CFAP299: variants seen among roughly 807,000 people sequenced by gnomAD.
The protein encoded by CFAP299 is cilia- and flagella-associated protein 299.
In CFAP299, 21 loss-of-function variants were observed where a neutral mutation model predicts 27.0. That is an observed-to-expected ratio of 0.78 (90% CI 0.55 to 1.12). The LOEUF (loss-of-function observed/expected upper bound fraction) is 1.12, where lower values mean the gene tolerates loss of function less well. CFAP299 is among the 50% of genes most tolerant of loss of function. CFAP299 has a pLI of 0.00. For missense variants in CFAP299, 310 were observed against 276.6 expected (o/e 1.12, Z -0.86); for synonymous variants, 104 against 98.1 (o/e 1.06, Z -0.36).
chr4:80,629,682 C>T (rs1739105563), intron 3 of CFAP299, among the ~76,000 whole-genome samples: 1 of 151,942 alleles, frequency 6.6e-6, no homozygotes, highest in South Asian at 2.1e-4. Flanking sequence ...GAGTTCAAGA[C>T]CAGCTTGGCG....
chr4:80,766,407 T>A (rs1298073701), intron 3 of CFAP299, among the ~76,000 whole-genome samples: 2 of 152,144 alleles, frequency 1.3e-5, no homozygotes, highest in Non-Finnish European at 2.9e-5. Flanking sequence ...TTTAAGATAA[T>A]TAAATTTTAT....
chr4:80,638,086 A>C (rs1202279761), intron 3 of CFAP299, among the ~76,000 whole-genome samples: 1 of 152,206 alleles, frequency 6.6e-6, no homozygotes, highest in Non-Finnish European at 1.5e-5. Flanking sequence ...AGCTCATCAA[A>C]TCCTTTTTTA....
intron 2 of CFAP299, chr4:80,420,170 G>A (rs1281916886): frequency 2.2e-6 from 1 of 455,910 alleles, no homozygotes; most frequent in South Asian, 1.6e-5. Context: ...GGTAGCAGCT[G>A]TCAGAGGGAA....
chr4:80,448,721 A>T (rs916093243), intron 2 of CFAP299, among the ~76,000 whole-genome samples: 13 of 151,858 alleles, frequency 8.6e-5, no homozygotes, highest in Admixed American at 1.3e-4. Flanking sequence ...AAAAAACCAC[A>T]TCTCTGAACT....
intron 3 of CFAP299, among the ~76,000 whole-genome samples, chr4:80,645,257 T>G (rs1739942927): frequency 6.6e-6 from 1 of 152,092 alleles, no homozygotes; most frequent in African/African-American, 2.4e-5. Flanking sequence ...CAATATAAAA[T>G]CTGTATTTAA....
At chr4:80,639,990 G>A (rs1049655020) in intron 3 of CFAP299, among the ~76,000 whole-genome samples, 1 of 152,074 alleles carries the variant, frequency 6.6e-6, no homozygotes, top group African/African-American at 2.4e-5. Flanking sequence ...ATGTTTTAAT[G>A]GGCATGGAGT....
chr4:80,657,442 A>G (rs956720593), intron 3 of CFAP299, among the ~76,000 whole-genome samples: 8 of 152,186 alleles, frequency 5.3e-5, no homozygotes, highest in Non-Finnish European at 7.3e-5. Flanking sequence ...AGTTTTCTGC[A>G]TATCGCTAGC....
At chr4:80,688,870 C>G (rs1487662432) in intron 3 of CFAP299, among the ~76,000 whole-genome samples, 1 of 151,750 alleles carries the variant, frequency 6.6e-6, no homozygotes, top group Non-Finnish European at 1.5e-5. Context: ...AGCTGAAAAC[C>G]AAGGCTCGAG....
intron 2 of CFAP299, among the ~76,000 whole-genome samples, chr4:80,572,796 C>T (rs550719527): frequency 9.9e-5 from 15 of 151,970 alleles, no homozygotes; most frequent in Admixed American, 7.9e-4. Flanking sequence ...GAATTACAGG[C>T]GTGAGCCATC....
intron 4 of CFAP299, among the ~76,000 whole-genome samples, chr4:80,927,162 C>T (rs1486656254): frequency 6.6e-6 from 1 of 151,986 alleles, no homozygotes; most frequent in African/African-American, 2.4e-5. Flanking sequence ...TTGCCTAAGG[C>T]TGTTTTTCTA....
At chr4:80,756,116 A>G (rs1214403111) in intron 3 of CFAP299, among the ~76,000 whole-genome samples, 1 of 152,088 alleles carries the variant, frequency 6.6e-6, no homozygotes, top group Non-Finnish European at 1.5e-5. Flanking sequence ...GCCCATCTTG[A>G]GTCACACAAT....
chr4:80,905,467 A>T (rs150889290), intron 4 of CFAP299, among the ~76,000 whole-genome samples: 2 of 151,108 alleles, frequency 1.3e-5, no homozygotes, highest in East Asian at 3.9e-4. Context: ...GGAAATTGAT[A>T]TTTTTTTTAA....
intron 2 of CFAP299, among the ~76,000 whole-genome samples, chr4:80,497,936 G>T (rs145786817): frequency 6.6e-6 from 1 of 152,134 alleles, no homozygotes; most frequent in African/African-American, 2.4e-5. Context: ...GCAGGTTAGA[G>T]ATCCCAGATA....
At chr4:80,715,799 G>A (rs1259099801) in intron 3 of CFAP299, among the ~76,000 whole-genome samples, 3 of 151,978 alleles carry the variant, frequency 2.0e-5, no homozygotes, top group South Asian at 2.1e-4. Flanking sequence ...AAGACAACTC[G>A]CAATTATCAC....
intron 2 of CFAP299, chr4:80,388,474 G>A (rs994789594): frequency 6.2e-6 from 7 of 1,136,754 alleles, no homozygotes; most frequent in African/African-American, 3.2e-5. Context: ...TGTCCAGGTC[G>A]GGGGCATTTC....
chr4:80,426,376 A>G (rs1181493786), intron 2 of CFAP299, among the ~76,000 whole-genome samples: 1 of 152,122 alleles, frequency 6.6e-6, no homozygotes, highest in Non-Finnish European at 1.5e-5. Flanking sequence ...ATATTGGAAT[A>G]TGGAGTTTTC....
intron 3 of CFAP299, among the ~76,000 whole-genome samples, chr4:80,697,691 A>C (rs1721194865): frequency 6.6e-6 from 1 of 152,174 alleles, no homozygotes; most frequent in African/African-American, 2.4e-5. Flanking sequence ...GTGAAATGTA[A>C]GAGCGATCAT....
chr4:80,867,066 TTCA>T (rs1732787774), intron 3 of CFAP299, among the ~76,000 whole-genome samples: 1 of 152,176 alleles, frequency 6.6e-6, no homozygotes, highest in Non-Finnish European at 1.5e-5. Flanking sequence ...TGGCAGTGAA[TTCA>T]TCAAGGTGAT....
intron 3 of CFAP299, among the ~76,000 whole-genome samples, chr4:80,713,230 A>C (rs1313952712): frequency 2.6e-5 from 4 of 152,080 alleles, no homozygotes; most frequent in Admixed American, 1.3e-4. Context: ...GGAAGGGAAA[A>C]GAGAGGAAGC....
Sources: allele counts gnomAD v4.1 joint callset (sites outside exome capture counted in the v4.1 genomes callset), GRCh38; gene constraint gnomAD v4.1.1; transcripts MANE v1.5; gene names NCBI Gene and HGNC (gene_info 2026-07-23, HGNC 2026-07-21).